FIGN: variants seen among roughly 807,000 people sequenced by gnomAD.
The protein encoded by FIGN is fidgetin, microtubule severing factor.
Under a neutral mutation model 51.3 loss-of-function variants are expected in FIGN, and 11 were observed. The ratio of observed to expected loss-of-function variants is 0.21; its 90% CI spans 0.13 to 0.35. The LOEUF is 0.35. FIGN is among the 10% of genes least tolerant of loss of function. The pLI is 1.00. For synonymous variants in FIGN, 407 were observed against 363.2 expected (o/e 1.12, Z -1.37); for missense variants, 857 against 943.6 (o/e 0.91, Z 1.20).
chr2:163,637,330 G>T (rs1683241763), intron 2 of FIGN, among the ~76,000 whole-genome samples: 1 of 152,082 alleles, frequency 6.6e-6, no homozygotes, highest in South Asian at 2.1e-4. Context: ...TCTTCTGGGG[G>T]TTTAAAAAAA....
At chr2:163,696,763 G>T (rs1559024319) in intron 2 of FIGN, among the ~76,000 whole-genome samples, 1 of 151,486 alleles carries the variant, frequency 6.6e-6, no homozygotes, top group Non-Finnish European at 1.5e-5. Context: ...AATCTCCCTG[G>T]CTACATCAAT....
At chr2:163,617,218 A>T (rs1015936521) in intron 2 of FIGN, 146 of 985,074 alleles carry the variant, frequency 1.5e-4, no homozygotes, top group Non-Finnish European at 1.6e-4. Context: ...GTGAGGAAGA[A>T]GCACTGAAAT....
chr2:163,669,953 T>C (rs1417124896), intron 2 of FIGN, among the ~76,000 whole-genome samples: 3 of 152,210 alleles, frequency 2.0e-5, no homozygotes, highest in Non-Finnish European at 4.4e-5. Context: ...GAAGCATTGA[T>C]GCCCACTCTT....
At chr2:163,706,768 T>C (rs1424865822) in intron 2 of FIGN, among the ~76,000 whole-genome samples, 1 of 152,190 alleles carries the variant, frequency 6.6e-6, no homozygotes, top group Non-Finnish European at 1.5e-5. Context: ...TAGTTGTGCA[T>C]CACACAGGAA....
intron 2 of FIGN, among the ~76,000 whole-genome samples, chr2:163,692,802 A>C (rs1347383370): frequency 6.6e-6 from 1 of 152,222 alleles, no homozygotes; most frequent in Non-Finnish European, 1.5e-5. Flanking sequence ...AGAGAACGAA[A>C]ATGTAATCAA....
chr2:163,667,938 C>A (rs948404364), intron 2 of FIGN, among the ~76,000 whole-genome samples: 43 of 151,282 alleles, frequency 2.8e-4, no homozygotes, highest in Admixed American at 3.3e-4. Flanking sequence ...AATAAACAAG[C>A]AAACATTCAT....
chr2:163,710,006 A>G (rs1684562815), intron 2 of FIGN, among the ~76,000 whole-genome samples: 2 of 152,198 alleles, frequency 1.3e-5, no homozygotes, highest in Non-Finnish European at 2.9e-5. Flanking sequence ...TAAAACTAAT[A>G]AACAATTGAC....
At position 163,610,000 on chromosome 2, in the gene FIGN, A is replaced by G. The variant is rs753503437; in HGVS notation, c.1832T>C (p.Met611Thr). ...CGAAGTTAGTACAGTGTCCAGTTGC[A>G]TCAGAAATTCGGTTCTCATCCGACT... ...PVSRMRTEFL[M>T]QLDTVLTSAE... Residue 611 changes from methionine (M) to threonine (T), a missense_variant, in exon 3 of 3, where the codon ATG becomes ACG. Transcript: ENST00000333129. 2 of 1,614,146 alleles carry G rather than the reference A, an allele frequency of 1.2e-6. No individual in the cohort carries two copies. Among genetic ancestry groups the G allele is most frequent in the East Asian group, 4.5e-5 (2 of 44,862 alleles).
chr2:163,727,062 T>A (rs1037593373), intron 2 of FIGN, among the ~76,000 whole-genome samples: 1 of 152,074 alleles, frequency 6.6e-6, no homozygotes, highest in African/African-American at 2.4e-5. Context: ...CATTGAGGTA[T>A]ATTATTTAAA....
At chr2:163,615,058 A>G (rs1027944350) in intron 2 of FIGN, among the ~76,000 whole-genome samples, 1 of 152,178 alleles carries the variant, frequency 6.6e-6, no homozygotes, top group African/African-American at 2.4e-5. Flanking sequence ...TTAAGCAAAG[A>G]TCATATTTAT....
intron 2 of FIGN, among the ~76,000 whole-genome samples, chr2:163,630,686 A>G (rs929405186): frequency 1.4e-5 from 2 of 144,278 alleles, no homozygotes; most frequent in African/African-American, 2.6e-5. Context: ...GGGGGGGGGG[A>G]ATGATGATTG....
rs1246894206 is a variant in FIGN, at chr2:163,634,087, TGC to T, written c.26-22283_26-22282del. On this transcript the variant is annotated intron_variant, in intron 2 of 2. Coordinates refer to ENST00000333129, the MANE Select transcript of FIGN (RefSeq NM_018086.4). ...TCCAATTCTTTTCTGTACGTATGTA[TGC>T]GTGTGTGTGTGTGTGTGTGTGTGTG... is the stretch of plus-strand genomic sequence containing the variant. Among the ~76,000 whole-genome samples the T allele has an allele frequency of 2.9e-3, 360 of 125,070 alleles. 1 individual carries two copies. The highest frequency in any genetic ancestry group is 0.01 in the African/African-American group (341 of 33,882). 82.1% of individuals were successfully genotyped at this position (125,070 alleles called of 152,430 possible).
intron 2 of FIGN, chr2:163,616,979 C>A (rs1244897990): frequency 4.4e-6 from 2 of 458,838 alleles, no homozygotes; most frequent in Non-Finnish European, 5.7e-6. Flanking sequence ...TGGCCCTGTG[C>A]AATATCTACT....
intron 2 of FIGN, among the ~76,000 whole-genome samples, chr2:163,615,760 C>T (rs1444465101): frequency 6.6e-6 from 1 of 152,064 alleles, no homozygotes; most frequent in Non-Finnish European, 1.5e-5. Flanking sequence ...ATAACTCCTA[C>T]TGTTGTTTGG....
chr2:163,652,410 A>G (rs1476841820), intron 2 of FIGN, among the ~76,000 whole-genome samples: 1 of 151,484 alleles, frequency 6.6e-6, no homozygotes, highest in East Asian at 1.9e-4. Context: ...TAAAAATGTT[A>G]AGAATCAATC....
At chr2:163,661,175 C>T (rs974723130) in intron 2 of FIGN, among the ~76,000 whole-genome samples, 8 of 150,296 alleles carry the variant, frequency 5.3e-5, no homozygotes, top group African/African-American at 1.2e-4. Context: ...TGAGCCACCG[C>T]GCCTGGCTAG....
chr2:163,666,994 A>G (rs1230112544), intron 2 of FIGN, among the ~76,000 whole-genome samples: 1 of 152,064 alleles, frequency 6.6e-6, no homozygotes, highest in Non-Finnish European at 1.5e-5. Context: ...TACAAAATAT[A>G]ATCAATGTAT....
At chr2:163,647,170 T>C (rs924311585) in intron 2 of FIGN, among the ~76,000 whole-genome samples, 1 of 152,210 alleles carries the variant, frequency 6.6e-6, no homozygotes, top group Non-Finnish European at 1.5e-5. Context: ...AGAGAAGGCC[T>C]CCTTCCAAAA....
Position 163,635,561 on chromosome 2 carries a change from C to T in FIGN, c.26-23755G>A, listed in dbSNP as rs139977112. On this transcript the variant is annotated intron_variant, in intron 2 of 2. Coordinates refer to ENST00000333129, the MANE Select transcript of FIGN (RefSeq NM_018086.4). ...CCTGCCTGGGCGACAGAGTGAGATC[C>T]TTTTTCAAAAATAAAATAAAATAAA... Among the ~76,000 whole-genome samples, 72 of 152,168 alleles carry T rather than the reference C, an allele frequency of 4.7e-4. 1 individual carries two copies. Among genetic ancestry groups the T allele is most frequent in the African/African-American group, 1.7e-3 (70 of 41,530 alleles).
Sources: allele counts gnomAD v4.1 joint callset (sites outside exome capture counted in the v4.1 genomes callset), GRCh38; gene constraint gnomAD v4.1.1; transcripts MANE v1.5; gene names NCBI Gene and HGNC (gene_info 2026-07-23, HGNC 2026-07-21).